Variants in LCN2 observed in about 807,000 individuals in gnomAD.
LCN2 encodes the protein lipocalin 2.
Under a neutral mutation model 26.4 loss-of-function variants are expected in LCN2, and 27 were observed. The observed-to-expected ratio is 1.02, with a 90% CI of 0.76 to 1.41. The LOEUF is 1.41. LCN2 is among the 40% of genes most tolerant of loss of function. The probability of loss-of-function intolerance (pLI) is 0.00; values close to 1 mark genes in which losing one functional copy is unlikely to be tolerated. For synonymous variants in LCN2, 94 were observed against 98.9 expected, an observed-to-expected ratio of 0.95 and a Z score of 0.30; for missense variants, 224 against 237.6, an observed-to-expected ratio of 0.94 and a Z score of 0.38.
At chr9:128,152,056 G>C in intron 4 of LCN2, 31 bp downstream of exon 4, 1 of 1,613,734 alleles carries the variant, frequency 6.2e-7, no homozygotes, top group Non-Finnish European at 8.5e-7. Flanking sequence ...TCGGGGACTG[G>C]CTCCTGATCA....
intron 2 of LCN2, 47 bp from the exon 3 acceptor site, chr9:128,151,591 A>G (rs919264663): frequency 1.3e-6 from 2 of 1,516,538 alleles, no homozygotes; most frequent in African/African-American, 1.4e-5. Context: ...CAGGAGGCCC[A>G]AGCCTGGGTT....
intron 3 of LCN2, 51 bp downstream of exon 3, chr9:128,151,768 T>G: frequency 1.3e-6 from 2 of 1,591,612 alleles, no homozygotes; most frequent in Non-Finnish European, 1.7e-6. Context: ...GGGAGCTGGG[T>G]AGGGGCACAG....
intron 5 of LCN2, among the ~76,000 whole-genome samples, chr9:128,152,791 C>T (rs781597538): frequency 8.7e-4 from 133 of 152,284 alleles, no homozygotes; most frequent in Non-Finnish European, 6.3e-4. Context: ...CCACTGGCCT[C>T]CCCCAGGCTG....
rs533569197 is a variant in LCN2 at position 128,153,052 on chromosome 9, G to A, written c.578-48G>A. 5.8e-6 allele frequency: 9 copies of A among 1,564,584 alleles called. No individual in the cohort carries two copies. The highest frequency in any genetic ancestry group is 4.6e-5 in the East Asian group (2 of 43,358). On this transcript the variant is annotated intron_variant, in intron 5 of 6. Coordinates refer to ENST00000277480, the MANE Select transcript of LCN2 (RefSeq NM_005564.5). This position sits in a 1 kb window ranked among gnomAD's most constrained non-coding sequence, Gnocchi z 5.4. The stretch of plus-strand genomic sequence containing the variant: ...GGATCACACACACACACTCATACAC[G>A]CACACACACACACAGCTGCCTGTTC...
intron 5 of LCN2, 41 bp downstream of exon 5, chr9:128,152,325 T>G (rs545538761): frequency 6.4e-7 from 1 of 1,551,898 alleles, no homozygotes; most frequent in East Asian, 2.2e-5. Flanking sequence ...ACATGGGGAC[T>G]GTTCAGGCAG....
At chr9:128,151,218 C>T (rs1027439610) in intron 2 of LCN2, among the ~76,000 whole-genome samples, 1 of 151,904 alleles carries the variant, frequency 6.6e-6, no homozygotes, top group African/African-American at 2.4e-5. Context: ...GAACGGCTGG[C>T]ATGGAGCAGA....
In LCN2 at chr9:128,153,195, G is replaced by C; in HGVS notation, c.*7+69G>C. 1 of 1,579,522 alleles carries C rather than the reference G, an allele frequency of 6.3e-7. No individual in the cohort carries two copies. Among genetic ancestry groups the C allele is most frequent in the Admixed American group, 1.7e-5 (1 of 59,938 alleles). On this transcript the variant is annotated intron_variant, in intron 6 of 6. Transcript: ENST00000277480. The surrounding 1 kb of genome is among the most constrained non-coding windows in gnomAD (Gnocchi z 5.4). ...GGGTGCAGTGGGCTGGGGGTCTTGG[G>C]CCTGCCTTTGCTCATCCCCCTGCCC...
Position 128,151,326 on chromosome 9 carries a change from C to CG in LCN2, c.276-304dup, listed in dbSNP as rs370467308. The CG allele has an allele frequency of 8.9e-4, 492 of 553,226 alleles. 5 individuals are homozygous for CG. The highest frequency in any genetic ancestry group is 2.8e-3 in the East Asian group (97 of 34,066). 34.3% of individuals were successfully genotyped at this position (553,226 alleles called of 1,614,324 possible). A position where few individuals can be genotyped will look rare whatever the true frequency, so the allele number is the denominator to read the frequency against. On this transcript the variant is annotated intron_variant, in intron 2 of 6. Coordinates refer to ENST00000277480, the MANE Select transcript of LCN2 (RefSeq NM_005564.5). The stretch of plus-strand genomic sequence containing the variant: ...TGCAGGGTTTCTGTGTGTTGGGTGG[C>CG]GGGGGGGGTGAAAGCCACCCAGGGA...
chr9:128,150,416 C>A, intron 2 of LCN2, 42 bp downstream of exon 2: 1 of 1,613,834 alleles, frequency 6.2e-7, no homozygotes. Flanking sequence ...GTCAGACTGA[C>A]GTCACAGGCA....
chr9:128,151,963 A>C lies in LCN2; in HGVS notation c.413A>C (p.His138Pro). The C allele has an allele frequency of 6.2e-7, 1 of 1,614,160 alleles. No homozygotes were observed. The highest frequency in any genetic ancestry group is 8.5e-7 in the Non-Finnish European group (1 of 1,180,006). The change falls in exon 4 of 7, where the codon CAT becomes CCT. Residue 138 changes from histidine (H) to proline (P), a missense_variant. Physicochemically the swap from His to Pro is moderately conservative, Grantham distance 77 (BLOSUM62 -2). Coordinates refer to ENST00000277480, the MANE Select transcript of LCN2 (RefSeq NM_005564.5). ...GTGGTGAGCACCAACTACAACCAGC[A>C]TGCTATGGTGTTCTTCAAGAAAGTT... is the stretch of plus-strand genomic sequence containing the variant. ...VRVVSTNYNQ[H>P]AMVFFKKVSQ...
chr9:128,151,874 C>T, intron 3 of LCN2, 32 bp from the exon 4 acceptor site: 2 of 1,613,278 alleles, frequency 1.2e-6, no homozygotes, highest in Non-Finnish European at 1.7e-6. Context: ...CCATCCAGGG[C>T]AGGGCTGACC....
rs112730796 is a variant in LCN2, at chr9:128,153,327, G to C, written c.*24G>C. ...TCTGTCCAGGGTGCCGCCAGCTGCC[G>C]CACCAGCCCGAACACCATTGAGGGA... On this transcript the variant is annotated 3_prime_UTR_variant, in exon 7 of 7. Coordinates refer to ENST00000277480, the MANE Select transcript of LCN2 (RefSeq NM_005564.5). This position sits in a 1 kb window ranked among gnomAD's most constrained non-coding sequence, Gnocchi z 5.4. 1 of 642,598 alleles carries C rather than the reference G, an allele frequency of 1.6e-6. No individual in the cohort carries two copies. Among genetic ancestry groups the C allele is most frequent in the African/African-American group, 1.8e-5 (1 of 55,074 alleles). The allele number at this position is 642,598 out of a possible 1,614,324, so 39.8% of individuals were successfully genotyped here.
At chr9:128,152,364 G>A in intron 5 of LCN2, 80 bp downstream of exon 5, 8 of 1,263,328 alleles carry the variant, frequency 6.3e-6, no homozygotes, top group Non-Finnish European at 9.2e-6. Flanking sequence ...ATCAGGGAGA[G>A]GAGGGACTCC....
chr9:128,151,809 T>C, intron 3 of LCN2, 92 bp downstream of exon 3: 3 of 1,594,828 alleles, frequency 1.9e-6, no homozygotes, highest in Admixed American at 1.7e-5. Context: ...AGATGTGTTG[T>C]ATGGGGAGAA....
intron 4 of LCN2, 47 bp downstream of exon 4, chr9:128,152,072 A>G: frequency 6.2e-7 from 1 of 1,612,874 alleles, no homozygotes; most frequent in Non-Finnish European, 8.5e-7. Context: ...GATCACACTT[A>G]GTGGGAGGGG....
intron 5 of LCN2, 166 bp downstream of exon 5, chr9:128,152,450 T>C: frequency 1.6e-6 from 1 of 640,510 alleles, no homozygotes; most frequent in Non-Finnish European, 2.7e-6. Context: ...AGGAAGACTG[T>C]GCCCCACCCC....
Position 128,150,375 on chromosome 9 carries a change from G to T in LCN2, c.275+1G>T. 6.2e-7 allele frequency: 1 copy of T among 1,614,204 alleles called. No homozygotes were observed. Among genetic ancestry groups the T allele is most frequent in the Admixed American group, 1.7e-5 (1 of 60,032 alleles). ...ACAATGTCACCTCCGTCCTGTTTAGGTGAGGGCCGACATCTCCTGGGGGTG... is the reference window on the plus strand; with the variant it reads ...ACAATGTCACCTCCGTCCTGTTTAGTTGAGGGCCGACATCTCCTGGGGGTG... On this transcript the variant is annotated splice_donor_variant, in intron 2 of 6. Transcript: ENST00000277480. LOFTEE classifies it high-confidence loss of function.
At chr9:128,151,509 G>A in intron 2 of LCN2, 129 bp from the exon 3 acceptor site, 1 of 722,656 alleles carries the variant, frequency 1.4e-6, no homozygotes, top group Non-Finnish European at 2.5e-6. Flanking sequence ...AGTGGGGGAT[G>A]AGCTGTCACG....
intron 1 of LCN2, among the ~76,000 whole-genome samples, chr9:128,149,941 T>A (rs1290230770): frequency 6.7e-6 from 1 of 149,098 alleles, no homozygotes; most frequent in East Asian, 2.0e-4. Context: ...TTAGTCCCCC[T>A]GCACAGATGA....
Sources: allele counts gnomAD v4.1 joint callset (sites outside exome capture counted in the v4.1 genomes callset), GRCh38; gene constraint gnomAD v4.1.1; non-coding constraint Gnocchi (gnomAD v3.1); transcripts MANE v1.5; gene names NCBI Gene and HGNC (gene_info 2026-07-23, HGNC 2026-07-21).